KCNG2: variants seen among roughly 807,000 people sequenced by gnomAD.
KCNG2 encodes potassium voltage-gated channel modifier subfamily G member 2, also known as voltage-gated potassium channel regulatory subunit KCNG2.
KCNG2 carries 7 observed loss-of-function variants against 12.3 expected under a neutral mutation model. The ratio of observed to expected loss-of-function variants is 0.57; its 90% confidence interval spans 0.32 to 1.07. The LOEUF (loss-of-function observed/expected upper bound fraction) is 1.07. Among genes scored for constraint, KCNG2 ranks in the 50% least tolerant of loss-of-function variants. The pLI, the probability that KCNG2 is intolerant of heterozygous loss-of-function variation, is 0.04. For synonymous variants in KCNG2, 414 were observed against 351.4 expected (o/e 1.18, Z -1.99); for missense variants, 703 against 726.0 (o/e 0.97, Z 0.36).
At chr18:79,862,167 C>A (rs1187733116) in intron 2 of KCNG2, among the ~76,000 whole-genome samples, 1 of 152,152 alleles carries the variant, frequency 6.6e-6, no homozygotes, top group African/African-American at 2.4e-5. Context: ...GAGCTACACT[C>A]TTGTATTCTT....
chr18:79,851,964 T>C (rs1225880828), intron 1 of KCNG2, among the ~76,000 whole-genome samples: 2 of 152,198 alleles, frequency 1.3e-5, no homozygotes, highest in South Asian at 2.1e-4. Flanking sequence ...TTTATTTTCG[T>C]TTTATAGATG....
chr18:79,806,869 C>G (rs2087453600), intron 1 of KCNG2, among the ~76,000 whole-genome samples: 1 of 152,144 alleles, frequency 6.6e-6, no homozygotes, highest in Non-Finnish European at 1.5e-5. Flanking sequence ...GGGCAGTTTT[C>G]AAAAATCTGC....
intron 1 of KCNG2, among the ~76,000 whole-genome samples, chr18:79,843,042 A>G (rs1479039134): frequency 6.6e-6 from 1 of 152,254 alleles, no homozygotes; most frequent in East Asian, 1.9e-4. Flanking sequence ...AGAGATATTT[A>G]CCAAGACACA....
At chr18:79,858,990 T>C (rs1364187038) in intron 2 of KCNG2, among the ~76,000 whole-genome samples, 1 of 152,212 alleles carries the variant, frequency 6.6e-6, no homozygotes, top group African/African-American at 2.4e-5. Flanking sequence ...GATACGGGAC[T>C]TGCAGCTCTT....
intron 3 of KCNG2, among the ~76,000 whole-genome samples, chr18:79,888,310 C>T (rs1980607207): frequency 6.6e-6 from 1 of 152,194 alleles, no homozygotes; most frequent in South Asian, 2.1e-4. Context: ...CTGAGAAGGT[C>T]CCCAGCCCAC....
intron 3 of KCNG2, among the ~76,000 whole-genome samples, chr18:79,889,884 T>G (rs1466206595): frequency 1.3e-5 from 2 of 152,258 alleles, no homozygotes; most frequent in Admixed American, 1.3e-4. Context: ...ATAGATGCCC[T>G]TTTTGCGGAG....
chr18:79,874,705 G>T (rs910799573), intron 3 of KCNG2, among the ~76,000 whole-genome samples: 2 of 152,222 alleles, frequency 1.3e-5, no homozygotes, highest in Non-Finnish European at 2.9e-5. Flanking sequence ...ATCAACTGGG[G>T]TCTCCAAGGT....
chr18:79,897,927 T>C lies in KCNG2; in HGVS notation c.625-1113T>C, dbSNP rs140414266. ...AAACTCCTAGCAGCCAGCTGAAAGCTCTGTTATTCCTTTACAACCTGCTCA... is the reference window on the plus strand; with the variant it reads ...AAACTCCTAGCAGCCAGCTGAAAGCCCTGTTATTCCTTTACAACCTGCTCA... On this transcript the variant is annotated intron_variant, in intron 3 of 3. Coordinates refer to ENST00000316249, the MANE Select transcript of KCNG2 (RefSeq NM_012283.2). Among the ~76,000 whole-genome samples, 52 of 152,226 alleles carry C rather than the reference T, an allele frequency of 3.4e-4. 1 individual carries two copies. Among genetic ancestry groups the C allele is most frequent in the South Asian group, 2.9e-3 (14 of 4,828 alleles).
chr18:79,807,987 T>C (rs368654729), intron 1 of KCNG2, among the ~76,000 whole-genome samples: 6,893 of 66,828 alleles, frequency 0.1, 410 homozygotes, highest in South Asian at 0.26. Context: ...CTCCACGTTA[T>C]GGGCCCAGAG....
intron 1 of KCNG2, among the ~76,000 whole-genome samples, chr18:79,813,104 G>A (rs371669989): frequency 1.3e-5 from 2 of 152,220 alleles, no homozygotes; most frequent in East Asian, 1.9e-4. Flanking sequence ...GCGGTGAGCC[G>A]AGATCGCGCC....
At chr18:79,895,662 A>C (rs1205945584) in intron 3 of KCNG2, among the ~76,000 whole-genome samples, 1 of 151,858 alleles carries the variant, frequency 6.6e-6, no homozygotes, top group Non-Finnish European at 1.5e-5. Flanking sequence ...TGTTCACTCC[A>C]TTCACATCTA....
chr18:79,887,451 C>G (rs1599432529), intron 3 of KCNG2, among the ~76,000 whole-genome samples: 1 of 152,128 alleles, frequency 6.6e-6, no homozygotes, highest in Admixed American at 6.5e-5. Context: ...TCAAGGTTCA[C>G]GGGTCTTGAG....
chr18:79,805,128 G>A (rs879385461), intron 1 of KCNG2, among the ~76,000 whole-genome samples: 2 of 152,174 alleles, frequency 1.3e-5, no homozygotes, highest in African/African-American at 4.8e-5. Flanking sequence ...TGTCATGGAC[G>A]TATTTGTAGA....
chr18:79,814,217 A>T (rs1479638874), intron 1 of KCNG2, among the ~76,000 whole-genome samples: 1 of 152,088 alleles, frequency 6.6e-6, no homozygotes, highest in Non-Finnish European at 1.5e-5. Context: ...TAAACATGTC[A>T]CTCCCGTATG....
rs1286978732 is a variant in KCNG2, at chr18:79,899,412, A to G, written c.997A>G (p.Met333Val). The G allele has an allele frequency of 5.0e-6, 8 of 1,586,520 alleles. No individual in the cohort carries two copies. Among genetic ancestry groups the G allele is most frequent in the Admixed American group, 1.8e-5 (1 of 57,074 alleles). ...GLLLLFLCVAMALFAPLVHLA... is the reference protein window; with the variant it reads ...GLLLLFLCVAVALFAPLVHLA... ...GCTGCTGCTGTTCCTCTGCGTGGCCATGGCGCTCTTCGCGCCACTGGTGCA... is the reference window on the plus strand; with the variant it reads ...GCTGCTGCTGTTCCTCTGCGTGGCCGTGGCGCTCTTCGCGCCACTGGTGCA... The change falls in exon 4 of 4, where the codon ATG (methionine) becomes GTG (valine). Residue 333 changes from methionine (M) to valine (V), a missense_variant. Transcript: ENST00000316249.
At chr18:79,851,102 T>C (rs1405589483) in intron 1 of KCNG2, among the ~76,000 whole-genome samples, 6 of 152,130 alleles carry the variant, frequency 3.9e-5, no homozygotes, top group Non-Finnish European at 5.9e-5. Context: ...CGGCAGCTGC[T>C]GCATAGACAG....
chr18:79,888,455 TCA>T (rs1266104184), intron 3 of KCNG2, among the ~76,000 whole-genome samples: 9 of 124,592 alleles, frequency 7.2e-5, no homozygotes, highest in East Asian at 5.2e-4. Context: ...GGCGTCCTCC[TCA>T]TGAGGCCGCG....
intron 3 of KCNG2, among the ~76,000 whole-genome samples, chr18:79,885,032 A>C (rs550167363): frequency 6.6e-6 from 1 of 152,232 alleles, no homozygotes; most frequent in South Asian, 2.1e-4. Flanking sequence ...CACCCCTCAC[A>C]GTCCCCATCC....
At chr18:79,883,661 C>T (rs1006827706) in intron 3 of KCNG2, among the ~76,000 whole-genome samples, 23 of 152,234 alleles carry the variant, frequency 1.5e-4, no homozygotes, top group African/African-American at 5.3e-4. Context: ...TTCTAGTGAA[C>T]GATGAGGAGG....
Sources: gnomAD v4.1 joint callset for allele counts (sites outside exome capture counted in the v4.1 genomes callset) on GRCh38, gnomAD v4.1.1 for gene constraint, MANE v1.5 for transcripts, NCBI Gene and HGNC (gene_info 2026-07-23, HGNC 2026-07-21) for gene names.